Variants in CRACD observed in about 807,000 individuals in gnomAD.
The protein encoded by CRACD is capping protein inhibiting regulator of actin dynamics.
In CRACD, 56 loss-of-function variants were observed where a neutral mutation model predicts 106.8. That is an observed-to-expected ratio of 0.52 (90% CI 0.42 to 0.66). The LOEUF (loss-of-function observed/expected upper bound fraction) is 0.66, where lower values mean the gene tolerates loss of function less well. Among genes scored for constraint, CRACD ranks in the 30% least tolerant of loss-of-function variants. The pLI is 0.00. For synonymous variants in CRACD, 754 were observed against 670.8 expected (o/e 1.12, Z -1.92); for missense variants, 1,730 against 1,623.2 (o/e 1.07, Z -1.13).
chr4:56,320,119 C>T (rs899281027), intron 8 of CRACD, among the ~76,000 whole-genome samples: 9 of 149,302 alleles, frequency 6.0e-5, no homozygotes, highest in Non-Finnish European at 1.3e-4. Flanking sequence ...TTGCAGTGAG[C>T]AGAGATTGTG....
intron 2 of CRACD, among the ~76,000 whole-genome samples, chr4:56,180,393 G>T (rs1736765688): frequency 6.6e-6 from 1 of 151,986 alleles, no homozygotes; most frequent in Non-Finnish European, 1.5e-5. Context: ...GGAGGCTGAG[G>T]CAGGAGAATC....
intron 1 of CRACD, among the ~76,000 whole-genome samples, chr4:56,063,023 C>G (rs573595096): frequency 6.6e-6 from 1 of 152,004 alleles, no homozygotes; most frequent in African/African-American, 2.4e-5. Flanking sequence ...CTGTCTTCCT[C>G]AGAATGTTTA....
chr4:56,058,881 C>T (rs538253668), intron 1 of CRACD, among the ~76,000 whole-genome samples: 7 of 152,172 alleles, frequency 4.6e-5, no homozygotes, highest in East Asian at 3.9e-4. Context: ...AGGGAACCTC[C>T]GACACTTCAA....
chr4:56,323,949 G>C (rs2292984), intron 9 of CRACD, among the ~76,000 whole-genome samples, 155 bp from the exon 10 acceptor site: 3 of 152,228 alleles, frequency 2.0e-5, no homozygotes, highest in South Asian at 2.1e-4. Flanking sequence ...ACCGGAAGCC[G>C]TGGTTGAGCG....
rs1961265 is a variant in CRACD at position 56,124,233 on chromosome 4, C to T, written c.-335-55051C>T. Among the ~76,000 whole-genome samples, 83 of 152,206 alleles carry T rather than the reference C, an allele frequency of 5.5e-4. 1 individual carries two copies. The highest frequency in any genetic ancestry group is 4.7e-3 in the Admixed American group (72 of 15,272). ...GATTACAGGCGTGAGCCACTGTGCC[C>T]GGCCAAAATAATTTTTTAATGATGG... On this transcript the variant is annotated intron_variant, in intron 1 of 10. Transcript: ENST00000682029.
chr4:56,158,472 T>C (rs752238266), intron 1 of CRACD, among the ~76,000 whole-genome samples: 1 of 152,218 alleles, frequency 6.6e-6, no homozygotes, highest in Non-Finnish European at 1.5e-5. Flanking sequence ...GTAGACCTTG[T>C]TTGTGCTCTG....
chr4:56,316,383 C>T lies in CRACD; in HGVS notation c.2881C>T (p.Pro961Ser). ...AANKMPLAQK[P>S]ALAPKPTSQT... ...AAACAAAATGCCACTGGCACAAAAGCCAGCACTGGCTCCCAAGCCCACCAG... is the reference window on the plus strand; with the variant it reads ...AAACAAAATGCCACTGGCACAAAAGTCAGCACTGGCTCCCAAGCCCACCAG... Residue 961 changes from proline to serine, a missense_variant, in exon 8 of 11, where the codon CCA becomes TCA. Transcript: ENST00000682029. 7 of 1,614,130 alleles carry T rather than the reference C, an allele frequency of 4.3e-6. No individual in the cohort carries two copies. Among genetic ancestry groups the T allele is most frequent in the Non-Finnish European group, 5.9e-6 (7 of 1,179,948 alleles).
intron 3 of CRACD, among the ~76,000 whole-genome samples, chr4:56,290,254 C>G (rs907546497): frequency 3.9e-5 from 6 of 152,214 alleles, no homozygotes; most frequent in African/African-American, 1.4e-4. Context: ...AGTGAAAGCA[C>G]AGGCGATGTT....
chr4:56,135,605 A>T (rs893697716), intron 1 of CRACD, among the ~76,000 whole-genome samples: 1 of 152,168 alleles, frequency 6.6e-6, no homozygotes, highest in African/African-American at 2.4e-5. Context: ...TCTTTATTTG[A>T]TGGATGCATG....
chr4:56,106,450 CTT>C (rs766434163), intron 1 of CRACD, among the ~76,000 whole-genome samples: 11 of 152,192 alleles, frequency 7.2e-5, no homozygotes, highest in Non-Finnish European at 1.3e-4. Flanking sequence ...TTGAAGGAGA[CTT>C]TTACTTCTCT....
chr4:56,147,010 T>G (rs1287279916), intron 1 of CRACD, among the ~76,000 whole-genome samples: 1 of 152,048 alleles, frequency 6.6e-6, no homozygotes, highest in East Asian at 1.9e-4. Context: ...GGTGGCAAGG[T>G]GGGCACGTCT....
rs769059673 is a variant in CRACD, at chr4:56,298,252, A to C, written c.23A>C (p.His8Pro). 2 of 1,614,164 alleles carry C rather than the reference A, an allele frequency of 1.2e-6. No individual in the cohort carries two copies. Among genetic ancestry groups the C allele is most frequent in the Admixed American group, 3.3e-5 (2 of 60,032 alleles). ...TCTATGGGAACCCGGGCATTTTCCCATGACAGTATTTTTATCCCTGATGGG... is the reference window on the plus strand; with the variant it reads ...TCTATGGGAACCCGGGCATTTTCCCCTGACAGTATTTTTATCCCTGATGGG... MGTRAFS[H>P]DSIFIPDGGA... The change falls in exon 4 of 11, where the codon CAT (histidine) becomes CCT (proline). Residue 8 changes from histidine (H) to proline (P), a missense_variant. Physicochemically the swap from His to Pro is moderately conservative, Grantham distance 77. Transcript: ENST00000682029.
At chr4:56,086,512 C>T (rs1159436288) in intron 1 of CRACD, among the ~76,000 whole-genome samples, 1 of 152,098 alleles carries the variant, frequency 6.6e-6, no homozygotes, top group Non-Finnish European at 1.5e-5. Context: ...CTGAAGTGTC[C>T]CCTTAGCTCA....
chr4:56,085,983 A>C (rs1733205857), intron 1 of CRACD, among the ~76,000 whole-genome samples: 1 of 152,148 alleles, frequency 6.6e-6, no homozygotes, highest in African/African-American at 2.4e-5. Flanking sequence ...CCTATTCTTC[A>C]ATTCTCCCTG....
intron 2 of CRACD, among the ~76,000 whole-genome samples, chr4:56,198,324 G>A (rs778443959): frequency 1.3e-5 from 2 of 152,168 alleles, no homozygotes; most frequent in Non-Finnish European, 2.9e-5. Context: ...TTTGTCCTGA[G>A]GGAATTTGTG....
At chr4:56,130,116 C>G (rs1200288305) in intron 1 of CRACD, among the ~76,000 whole-genome samples, 1 of 152,024 alleles carries the variant, frequency 6.6e-6, no homozygotes, top group Non-Finnish European at 1.5e-5. Flanking sequence ...ACAAAAAATA[C>G]AAAAATTAGC....
chr4:56,070,847 C>CTGTGTGTGTGTGTGTGTGTGTGTG (rs60372588), intron 1 of CRACD, among the ~76,000 whole-genome samples: 1,414 of 120,386 alleles, frequency 0.012, 83 homozygotes, highest in Non-Finnish European at 0.014. Context: ...AGGGGCTATG[C>CTGTGTGTGTGTGTGTGTGTGTGTG]TGTGTGTGTG....
chr4:56,255,472 C>T (rs1476299671), intron 2 of CRACD, among the ~76,000 whole-genome samples: 2 of 146,690 alleles, frequency 1.4e-5, no homozygotes, highest in Non-Finnish European at 2.9e-5. Context: ...AATGGAGACA[C>T]TGACTCTTTA....
At chr4:56,186,935 G>A (rs1162358869) in intron 2 of CRACD, among the ~76,000 whole-genome samples, 5 of 152,014 alleles carry the variant, frequency 3.3e-5, no homozygotes, top group African/African-American at 9.7e-5. Flanking sequence ...GCATGATGGC[G>A]CACCCCTGTG....
Sources: gnomAD v4.1 joint callset for allele counts (sites outside exome capture counted in the v4.1 genomes callset) on GRCh38, gnomAD v4.1.1 for gene constraint, MANE v1.5 for transcripts, NCBI Gene and HGNC (gene_info 2026-07-23, HGNC 2026-07-21) for gene names.